NHSL1: variants seen among roughly 807,000 people sequenced by gnomAD.
NHSL1 encodes the protein NHS like 1.
In NHSL1, 48 loss-of-function variants were observed where a neutral mutation model predicts 95.0. That is an observed-to-expected ratio of 0.51 (90% CI 0.40 to 0.64). The LOEUF (loss-of-function observed/expected upper bound fraction) is 0.64, where lower values mean the gene tolerates loss of function less well. Among genes scored for constraint, NHSL1 ranks in the 30% least tolerant of loss-of-function variants. The probability of loss-of-function intolerance (pLI) is 0.00; values close to 1 mark genes in which losing one functional copy is unlikely to be tolerated. For missense variants in NHSL1, 1,971 were observed against 2,077.7 expected (o/e 0.95, Z 1.00); for synonymous variants, 783 against 833.9 (o/e 0.94, Z 1.05).
chr6:138,499,130 CAT>C (rs943123906), intron 1 of NHSL1, 101 bp downstream of exon 1: 15 of 716,724 alleles, frequency 2.1e-5, no homozygotes, highest in Admixed American at 1.7e-4. Flanking sequence ...AAAACACACA[CAT>C]GGACACACAC....
In NHSL1 at chr6:138,671,770, C is replaced by T. The variant is rs73568765; in HGVS notation, c.96+20706G>A. 8.6e-3 allele frequency among the ~76,000 whole-genome samples: 1,304 copies of T among 152,158 alleles called. 17 individuals are homozygous for T. The highest frequency in any genetic ancestry group is 0.029 in the African/African-American group (1,190 of 41,486). ...TAGAAATATACACACCCCAAAAAGC[C>T]GTTATTTATGTCAGGAGAGACAAAA... is the stretch of plus-strand genomic sequence containing the variant. On this transcript the variant is annotated intron_variant, in intron 1 of 3. Transcript: ENST00000491526.
intron 2 of NHSL1, among the ~76,000 whole-genome samples, chr6:138,490,878 C>T (rs1033070819): frequency 1.3e-5 from 2 of 152,202 alleles, no homozygotes; most frequent in South Asian, 2.1e-4. Context: ...GTGATCCGCC[C>T]GCCTTGGCCT....
intron 1 of NHSL1, among the ~76,000 whole-genome samples, chr6:138,644,126 T>C (rs915981864): frequency 2.0e-5 from 3 of 152,128 alleles, no homozygotes; most frequent in African/African-American, 7.2e-5. Flanking sequence ...TTTATACAAT[T>C]AGTCATTTAA....
Position 138,496,286 on chromosome 6 carries a change from G to T in NHSL1, c.144C>A (p.Thr48=). ...WHQQENVFLP[T]TRPPCVEDLH... is the part of the protein sequence containing the mutation. ...GGTCCTCAACACAGGGGGGTCTTGT[G>T]GTGGGAAGGAACACATTCTCCTGCT... The change falls in exon 2 of 8, where the codon ACC becomes ACA. Residue 48 remains threonine (T), a synonymous_variant. Transcript: ENST00000343505. 6.4e-7 allele frequency: 1 copy of T among 1,550,976 alleles called. No homozygotes were observed. The highest frequency in any genetic ancestry group is 1.2e-5 in the South Asian group (1 of 84,018).
chr6:138,632,119 G>A (rs769598891), intron 1 of NHSL1, among the ~76,000 whole-genome samples: 3 of 152,236 alleles, frequency 2.0e-5, no homozygotes, highest in Non-Finnish European at 2.9e-5. Flanking sequence ...AATGCCCATG[G>A]GAGGAAGCTC....
intron 1 of NHSL1, among the ~76,000 whole-genome samples, chr6:138,581,765 T>G (rs1301004310): frequency 6.7e-6 from 1 of 149,746 alleles, no homozygotes; most frequent in African/African-American, 2.5e-5. Context: ...TTACACCAAG[T>G]GTTGAGAGGC....
At chr6:138,620,957 G>A (rs1211234054) in intron 1 of NHSL1, among the ~76,000 whole-genome samples, 1 of 152,176 alleles carries the variant, frequency 6.6e-6, no homozygotes, top group Non-Finnish European at 1.5e-5. Context: ...TGCAGCTGGG[G>A]AGGACAGATG....
At chr6:138,453,688 C>T (rs55967026) in intron 3 of NHSL1, among the ~76,000 whole-genome samples, 2,483 of 151,286 alleles carry the variant, frequency 0.016, 49 homozygotes, top group African/African-American at 0.05. Flanking sequence ...CTAGGATGAC[C>T]GGCACAAGCC....
At chr6:138,691,227 A>AT (rs1183809041) in intron 1 of NHSL1, among the ~76,000 whole-genome samples, 7 of 151,622 alleles carry the variant, frequency 4.6e-5, no homozygotes, top group Admixed American at 6.6e-5. Flanking sequence ...CTCCCCACTG[A>AT]TTTTTTTTTC....
rs532025495 is a variant in NHSL1 at position 138,513,335 on chromosome 6, T to C, written c.17-16964A>G. Reference sequence around the variant, plus strand: ...AATACTAAACAAAAATGTCCACACATTTATGAATAAACCTAACATTTATTC... The same window carrying C: ...AATACTAAACAAAAATGTCCACACACTTATGAATAAACCTAACATTTATTC... On this transcript the variant is annotated intron_variant, in intron 1 of 4. Coordinates refer to the NHSL1 transcript ENST00000342260. 7.9e-5 allele frequency among the ~76,000 whole-genome samples: 12 copies of C among 152,328 alleles called. No homozygotes were observed. In the East Asian group the frequency reaches 2.3e-3, roughly 29 times the overall value.
chr6:138,495,961 C>T (rs1780327551), intron 2 of NHSL1, among the ~76,000 whole-genome samples: 2 of 152,006 alleles, frequency 1.3e-5, no homozygotes, highest in African/African-American at 4.8e-5. Context: ...GGAAATTGGC[C>T]CCATGATTCA....
At chr6:138,511,412 A>ATGTGTGTGTGTGAGAGAGAGTGTG (rs1562339066) in intron 1 of NHSL1, among the ~76,000 whole-genome samples, 3 of 148,986 alleles carry the variant, frequency 2.0e-5, no homozygotes, top group Non-Finnish European at 4.5e-5. Context: ...GTGTGTGTGT[A>ATGTGTGTGTGTGAGAGAGAGTGTG]TGTGTGTGTG....
At chr6:138,672,886 A>G (rs547677149) in intron 1 of NHSL1, among the ~76,000 whole-genome samples, 1 of 152,146 alleles carries the variant, frequency 6.6e-6, no homozygotes, top group South Asian at 2.1e-4. Flanking sequence ...GCATGGTGGC[A>G]CGCACTTGTA....
chr6:138,516,285 G>A (rs938184056), intron 1 of NHSL1, among the ~76,000 whole-genome samples: 7 of 152,266 alleles, frequency 4.6e-5, no homozygotes, highest in South Asian at 2.1e-4. Flanking sequence ...CTTTGACTGC[G>A]GCAGAGATAA....
At chr6:138,435,716 TTTTTTTTG>T (rs902495620) in intron 5 of NHSL1, among the ~76,000 whole-genome samples, 4 of 151,870 alleles carry the variant, frequency 2.6e-5, no homozygotes, top group Admixed American at 6.6e-5. Flanking sequence ...ACTGGGGTTT[TTTTTTTTG>T]TTTTTTTGTT....
chr6:138,486,100 C>T (rs1779714130), intron 2 of NHSL1, among the ~76,000 whole-genome samples: 1 of 152,162 alleles, frequency 6.6e-6, no homozygotes, highest in South Asian at 2.1e-4. Flanking sequence ...CTGCCTCCTT[C>T]CTGCTTCTTC....
intron 2 of NHSL1, among the ~76,000 whole-genome samples, chr6:138,492,446 C>A (rs756437660): frequency 6.6e-6 from 1 of 152,130 alleles, no homozygotes; most frequent in African/African-American, 2.4e-5. Flanking sequence ...AATTGAGGAC[C>A]CAGGAACTTT....
chr6:138,447,225 G>A (rs1252792586), intron 3 of NHSL1, 32 bp from the exon 4 acceptor site: 16 of 1,499,478 alleles, frequency 1.1e-5, no homozygotes, highest in Non-Finnish European at 1.4e-5. Context: ...CAGCCACAGT[G>A]TATAAAGAGC....
At chr6:138,603,288 G>C (rs565240784) in intron 1 of NHSL1, among the ~76,000 whole-genome samples, 8 of 152,084 alleles carry the variant, frequency 5.3e-5, no homozygotes, top group African/African-American at 1.9e-4. Flanking sequence ...GAGGTCAAGC[G>C]ATCCACCCAT....
Sources: allele counts gnomAD v4.1 joint callset (sites outside exome capture counted in the v4.1 genomes callset), GRCh38; gene constraint gnomAD v4.1.1; transcripts MANE v1.5; gene names NCBI Gene and HGNC (gene_info 2026-07-23, HGNC 2026-07-21).